NRXN1: variants seen among roughly 807,000 people sequenced by gnomAD.
The protein encoded by NRXN1 is neurexin 1.
A neutral mutation model predicts 150.9 loss-of-function variants in NRXN1; 39 were observed. The observed-to-expected ratio is 0.26, with a 90% confidence interval of 0.20 to 0.34. The LOEUF (loss-of-function observed/expected upper bound fraction) is 0.34. Ranked by LOEUF, NRXN1 falls within the 10% of genes least tolerant of loss-of-function variation. The pLI, the probability that NRXN1 is intolerant of heterozygous loss-of-function variation, is 1.00. For synonymous variants in NRXN1, 924 were observed against 757.0 expected, an observed-to-expected ratio of 1.22 and a Z score of -3.62; for missense variants, 1,815 against 1,949.9, an observed-to-expected ratio of 0.93 and a Z score of 1.30.
intron 21 of NRXN1, among the ~76,000 whole-genome samples, chr2:49,977,868 G>T (rs1467810234): frequency 6.6e-6 from 1 of 152,080 alleles, no homozygotes; most frequent in Non-Finnish European, 1.5e-5. Flanking sequence ...CATTTTTAAA[G>T]GTATGGACAG....
In NRXN1 at chr2:50,250,435, A is replaced by AT. The variant is rs61220479; in HGVS notation, c.3365-13466dup. The stretch of plus-strand genomic sequence containing the variant: ...TATAAATGGAAAGTCACTTTTTAAT[A>AT]TTTTTTTTTTTTAGCGGAAGCTGAT... On this transcript the variant is annotated intron_variant, in intron 17 of 22. Transcript: ENST00000401669. Among the ~76,000 whole-genome samples, 789 of 149,786 alleles carry AT rather than the reference A, an allele frequency of 5.3e-3. 5 individuals are homozygous for AT. The highest frequency in any genetic ancestry group is 0.017 in the African/African-American group (691 of 40,976).
At chr2:50,236,768 T>C (rs200271376) in intron 18 of NRXN1, 21 bp downstream of exon 18, 101 of 1,610,102 alleles carry the variant, frequency 6.3e-5, no homozygotes, top group Non-Finnish European at 7.6e-5. Context: ...AAAAGCTGAA[T>C]CTTATGCAAA....
In NRXN1 at chr2:50,706,475, G is replaced by GAGAATT. The variant is rs369917661; in HGVS notation, c.833-82866_833-82861dup. Among the ~76,000 whole-genome samples, 624 of 152,170 alleles carry GAGAATT rather than the reference G, an allele frequency of 4.1e-3. 4 individuals are homozygous for GAGAATT. Among genetic ancestry groups the GAGAATT allele is most frequent in the African/African-American group, 0.014 (571 of 41,520 alleles). On this transcript the variant is annotated intron_variant, in intron 5 of 22. Coordinates refer to ENST00000401669, the MANE Select transcript of NRXN1 (RefSeq NM_001330078.2). Reference sequence around the variant, plus strand: ...GATAAGGGAAACTTGATAGCAATTGGAGAATTAGAATTAGAATTAGAATCT... The same window carrying GAGAATT: ...GATAAGGGAAACTTGATAGCAATTGGAGAATTAGAATTAGAATTAGAATTAGAATCT...
intron 18 of NRXN1, among the ~76,000 whole-genome samples, chr2:50,142,462 T>C (rs1354513582): frequency 1.3e-5 from 2 of 151,788 alleles, no homozygotes; most frequent in Non-Finnish European, 2.9e-5. Context: ...AAGAGAGGAT[T>C]TGAAACATTC....
intron 17 of NRXN1, among the ~76,000 whole-genome samples, chr2:50,409,372 A>G (rs1482619113): frequency 6.6e-6 from 1 of 152,164 alleles, no homozygotes; most frequent in Non-Finnish European, 1.5e-5. Flanking sequence ...ACAAAAATCC[A>G]TCTTTTTGTT....
chr2:50,564,988 A>G (rs1182392149), intron 8 of NRXN1, among the ~76,000 whole-genome samples: 1 of 152,188 alleles, frequency 6.6e-6, no homozygotes, highest in Admixed American at 6.5e-5. Flanking sequence ...TGAGAAACAT[A>G]TTGGCTCTAC....
intron 18 of NRXN1, among the ~76,000 whole-genome samples, chr2:50,199,905 T>C (rs945284280): frequency 2.6e-5 from 4 of 152,290 alleles, no homozygotes; most frequent in South Asian, 4.1e-4. Flanking sequence ...AAATCAGATA[T>C]ATAGAACACT....
At chr2:49,980,540 G>C (rs994073535) in intron 21 of NRXN1, among the ~76,000 whole-genome samples, 3 of 152,150 alleles carry the variant, frequency 2.0e-5, no homozygotes, top group Non-Finnish European at 4.4e-5. Flanking sequence ...AGATGACTTA[G>C]AGCCATCCAT....
intron 5 of NRXN1, among the ~76,000 whole-genome samples, chr2:50,678,613 T>C (rs1689888118): frequency 6.6e-6 from 1 of 152,184 alleles, no homozygotes; most frequent in African/African-American, 2.4e-5. Context: ...AATGACTCAT[T>C]AACCCTTTAC....
chr2:50,845,352 A>T lies in NRXN1; in HGVS notation c.832+76517T>A, dbSNP rs766866185. Among the ~76,000 whole-genome samples the T allele has an allele frequency of 5.3e-5, 8 of 151,964 alleles. 1 individual carries two copies. The highest frequency in any genetic ancestry group is 1.0e-4 in the Non-Finnish European group (7 of 67,978). ...ATCCAGGCAATTAGAATATACTGTC[A>T]CTCTTAATCTTCACATCAGTCTTAT... is the stretch of plus-strand genomic sequence containing the variant. On this transcript the variant is annotated intron_variant, in intron 5 of 22. Transcript: ENST00000401669.
At chr2:50,990,390 T>C (rs1489098099) in intron 2 of NRXN1, among the ~76,000 whole-genome samples, 1 of 152,118 alleles carries the variant, frequency 6.6e-6, no homozygotes, top group African/African-American at 2.4e-5. Context: ...TATGGTCATA[T>C]GTTTTTCAAA....
intron 17 of NRXN1, among the ~76,000 whole-genome samples, chr2:50,340,890 G>A (rs2077503270): frequency 1.3e-5 from 2 of 152,318 alleles, no homozygotes; most frequent in Admixed American, 6.5e-5. Flanking sequence ...GCTGACTGTG[G>A]TGATGGTCAA....
At chr2:50,872,846 T>C (rs980168119) in intron 5 of NRXN1, among the ~76,000 whole-genome samples, 10 of 151,704 alleles carry the variant, frequency 6.6e-5, no homozygotes, top group Non-Finnish European at 1.3e-4. Flanking sequence ...TGCATTCCTG[T>C]AGTCCTAGCT....
chr2:51,009,334 T>C (rs529805023), intron 2 of NRXN1: 1 of 152,122 alleles, frequency 6.6e-6, no homozygotes, highest in East Asian at 1.9e-4. Flanking sequence ...TGAAAAATTT[T>C]ATGCAACAAA....
intron 22 of NRXN1, among the ~76,000 whole-genome samples, chr2:49,930,174 G>C (rs969423516): frequency 2.0e-4 from 30 of 152,096 alleles, no homozygotes; most frequent in African/African-American, 7.2e-4. Context: ...GGGAGAGTGA[G>C]AAGAAATTTC....
intron 5 of NRXN1, among the ~76,000 whole-genome samples, chr2:50,706,747 T>A (rs1406725164): frequency 1.3e-5 from 2 of 152,166 alleles, no homozygotes; most frequent in East Asian, 3.8e-4. Flanking sequence ...GACCGGTGCA[T>A]TTTTAATTTC....
intron 5 of NRXN1, among the ~76,000 whole-genome samples, chr2:50,789,049 C>T (rs762905362): frequency 2.0e-5 from 3 of 152,078 alleles, no homozygotes; most frequent in Non-Finnish European, 2.9e-5. Flanking sequence ...TAATGTAAGG[C>T]CCGTAGGTCC....
intron 8 of NRXN1, among the ~76,000 whole-genome samples, chr2:50,613,117 A>C (rs555862473): frequency 6.6e-6 from 1 of 152,328 alleles, no homozygotes; most frequent in South Asian, 2.1e-4. Context: ...TTTCAAAGCA[A>C]AACTATCATC....
intron 15 of NRXN1, among the ~76,000 whole-genome samples, chr2:50,492,101 C>T (rs754740609): frequency 6.6e-6 from 1 of 152,284 alleles, no homozygotes; most frequent in East Asian, 1.9e-4. Context: ...AAGGAGGAAT[C>T]GCACCAACCA....
Sources: gnomAD v4.1 joint callset for allele counts (sites outside exome capture counted in the v4.1 genomes callset) on GRCh38, gnomAD v4.1.1 for gene constraint, MANE v1.5 for transcripts, NCBI Gene and HGNC (gene_info 2026-07-23, HGNC 2026-07-21) for gene names.